CEP112: variants seen among roughly 807,000 people sequenced by gnomAD.
CEP112 encodes centrosomal protein 112.
Under a neutral mutation model 153.0 loss-of-function variants are expected in CEP112, and 127 were observed. The observed-to-expected ratio is 0.83, with a 90% CI of 0.72 to 0.96. The LOEUF (loss-of-function observed/expected upper bound fraction) is 0.96, where lower values mean the gene tolerates loss of function less well. CEP112 is among the 40% of genes least tolerant of loss of function. The pLI is 0.00. For missense variants in CEP112, 1,089 were observed against 1,101.2 expected (o/e 0.99, Z 0.16); for synonymous variants, 358 against 374.4 (o/e 0.96, Z 0.51).
At chr17:65,858,930 C>A (rs1293922592) in intron 20 of CEP112, among the ~76,000 whole-genome samples, 2 of 152,074 alleles carry the variant, frequency 1.3e-5, no homozygotes, top group East Asian at 1.9e-4. Context: ...CATCAATAAC[C>A]ACCTCATCCC....
In CEP112 at chr17:65,902,197, C is replaced by T; in HGVS notation, c.2118G>A (p.Met706Ile). The T allele has an allele frequency of 2.5e-6, 4 of 1,613,800 alleles. No homozygotes were observed. The South Asian group carries it at 4.4e-5, about 18-fold the overall frequency. ...ACTCCTGAATTTGATTTTCGTGCTC[C>T]ATATTGGCAGCGCGAAGCTGTTTTT... Reference protein sequence around the residue: ...NLEKQLRAANMEHENQIQEFK... With the variant: ...NLEKQLRAANIEHENQIQEFK... The change falls in exon 20 of 27, where the codon ATG (methionine) becomes ATA (isoleucine). Residue 706 changes from methionine (M) to isoleucine (I), a missense_variant. Met to Ile is a conservative substitution (Grantham distance 10, BLOSUM62 1). Coordinates refer to ENST00000535342, the MANE Select transcript of CEP112 (RefSeq NM_001199165.4).
rs1228949990 is a variant in CEP112 at position 66,029,107 on chromosome 17, T to G, written c.1503+16A>C. 6.4e-7 allele frequency: 1 copy of G among 1,571,636 alleles called. No homozygotes were observed. The highest frequency in any genetic ancestry group is 8.7e-7 in the Non-Finnish European group (1 of 1,148,478). Reference sequence around the variant, plus strand: ...ATAAATACTTCATGTGGATTATCTATTAACATAAATAATACCTTAGAAGCT... The same window carrying G: ...ATAAATACTTCATGTGGATTATCTAGTAACATAAATAATACCTTAGAAGCT... On this transcript the variant is annotated intron_variant, in intron 14 of 26. Coordinates refer to ENST00000535342, the MANE Select transcript of CEP112 (RefSeq NM_001199165.4).
At chr17:65,685,510 T>A (rs2047734986) in intron 24 of CEP112, among the ~76,000 whole-genome samples, 1 of 152,118 alleles carries the variant, frequency 6.6e-6, no homozygotes, top group South Asian at 2.1e-4. Context: ...CACATTTTAG[T>A]TGTTCGATTG....
chr17:65,909,436 T>C (rs1007531712), intron 19 of CEP112, among the ~76,000 whole-genome samples: 4 of 152,110 alleles, frequency 2.6e-5, no homozygotes, highest in African/African-American at 9.7e-5. Context: ...TGAATAGAAA[T>C]ATGAAAGTTT....
chr17:65,684,808 A>G (rs547050440), intron 24 of CEP112, among the ~76,000 whole-genome samples: 1 of 152,312 alleles, frequency 6.6e-6, no homozygotes, highest in South Asian at 2.1e-4. Flanking sequence ...TGTGTTGTAC[A>G]TTAGGGAAGT....
At chr17:66,175,398 A>G (rs2072429072) in intron 3 of CEP112, among the ~76,000 whole-genome samples, 182 bp from the exon 4 acceptor site, 1 of 152,252 alleles carries the variant, frequency 6.6e-6, no homozygotes, top group South Asian at 2.1e-4. Flanking sequence ...AAGTGATAAC[A>G]TATTTACATT....
intron 6 of CEP112, among the ~76,000 whole-genome samples, chr17:66,121,108 G>A (rs963235275): frequency 6.6e-6 from 1 of 151,918 alleles, no homozygotes; most frequent in Non-Finnish European, 1.5e-5. Flanking sequence ...GAGAAACCCC[G>A]TCTCTACTAA....
Position 65,970,467 on chromosome 17 carries a change from T to C in CEP112, c.1737-8869A>G, listed in dbSNP as rs1010205960. 3.4e-5 allele frequency among the ~76,000 whole-genome samples: 2 copies of C among 58,386 alleles called. 1 individual carries two copies. Among genetic ancestry groups the C allele is most frequent in the African/African-American group, 9.0e-5 (2 of 22,332 alleles). The allele number at this position is 58,386 out of a possible 152,430, so 38.3% of individuals were successfully genotyped here. On this transcript the variant is annotated intron_variant, in intron 17 of 26. Transcript: ENST00000535342. Reference sequence around the variant, plus strand: ...CATGTATATTACATGCATGCACACATGCATGTATATTACATGCATGCACAC... The same window carrying C: ...CATGTATATTACATGCATGCACACACGCATGTATATTACATGCATGCACAC...
intron 6 of CEP112, among the ~76,000 whole-genome samples, chr17:66,119,310 C>A (rs2146440123): frequency 1.3e-5 from 2 of 152,248 alleles, no homozygotes; most frequent in African/African-American, 4.8e-5. Flanking sequence ...AACAAACTTG[C>A]ACATCCTGCA....
intron 21 of CEP112, among the ~76,000 whole-genome samples, chr17:65,762,068 T>C (rs2052647618): frequency 6.6e-6 from 1 of 152,092 alleles, no homozygotes; most frequent in Non-Finnish European, 1.5e-5. Context: ...TAGTTTTTGT[T>C]TGTTCGTTTT....
chr17:66,113,269 A>ACATATGTATACATGTATGTG (rs1555801061), intron 6 of CEP112, among the ~76,000 whole-genome samples: 2 of 152,130 alleles, frequency 1.3e-5, no homozygotes, highest in African/African-American at 4.8e-5. Context: ...ATATACATAT[A>ACATATGTATACATGTATGTG]TTAGGTAATA....
intron 12 of CEP112, among the ~76,000 whole-genome samples, chr17:66,052,539 A>T (rs2066485976): frequency 6.6e-6 from 1 of 152,042 alleles, no homozygotes; most frequent in Non-Finnish European, 1.5e-5. Context: ...TCTTTGGGAG[A>T]TCCTCTATCT....
rs572578837 is a variant in CEP112, at chr17:65,755,117, A to G, written c.2395-4393T>C. Among the ~76,000 whole-genome samples, 35 of 152,200 alleles carry G rather than the reference A, an allele frequency of 2.3e-4. 1 individual carries two copies. Among genetic ancestry groups the G allele is most frequent in the Non-Finnish European group, 3.1e-4 (21 of 68,036 alleles). On this transcript the variant is annotated intron_variant, in intron 21 of 26. Transcript: ENST00000535342. ...AAAAAGAAAAAAAAATACAAATAAAAATAATAAAAAGAGAAATACCCAAGT... is the reference window on the plus strand; with the variant it reads ...AAAAAGAAAAAAAAATACAAATAAAGATAATAAAAAGAGAAATACCCAAGT...
intron 4 of CEP112, among the ~76,000 whole-genome samples, chr17:66,164,886 ATGTG>A (rs57252258): frequency 0.34 from 46,043 of 137,328 alleles, 8,166 homozygotes; most frequent in East Asian, 0.65. Context: ...ACACACATAT[ATGTG>A]TGTGTGTGTG....
intron 18 of CEP112, among the ~76,000 whole-genome samples, chr17:65,937,646 G>A (rs1370259811): frequency 2.2e-5 from 2 of 92,956 alleles, no homozygotes; most frequent in Admixed American, 1.3e-4. Flanking sequence ...CCGGCCAGCC[G>A]CCCTGTCCGG....
Position 65,635,558 on chromosome 17 carries a change from T to G in CEP112, c.*413A>C, listed in dbSNP as rs2044730479. The G allele has an allele frequency of 5.4e-6, 1 of 185,610 alleles. No homozygotes were observed. Among genetic ancestry groups the G allele is most frequent in the African/African-American group, 2.3e-5 (1 of 42,874 alleles). The allele number at this position is 185,610 out of a possible 1,614,324, so 11.5% of individuals were successfully genotyped here. A position where few individuals can be genotyped will look rare whatever the true frequency, so the allele number is the denominator to read the frequency against. ...AAACTGGTAAGTACAAAATAATATT[T>G]TAATAACATAGGAACATGAACATGA... On this transcript the variant is annotated 3_prime_UTR_variant, in exon 27 of 27. Transcript: ENST00000535342.
chr17:65,769,795 C>A (rs2145494985), intron 21 of CEP112, among the ~76,000 whole-genome samples: 1 of 152,068 alleles, frequency 6.6e-6, no homozygotes, highest in Middle Eastern at 3.4e-3. Flanking sequence ...AGCAGTTTTC[C>A]CTGTGAGTTT....
At chr17:65,958,300 G>A (rs1196972200) in intron 18 of CEP112, among the ~76,000 whole-genome samples, 1 of 152,098 alleles carries the variant, frequency 6.6e-6, no homozygotes, top group Admixed American at 6.5e-5. Flanking sequence ...AAACTCCTTG[G>A]TTGTGTATAA....
chr17:66,151,033 A>T (rs1030172430), intron 4 of CEP112, among the ~76,000 whole-genome samples: 5 of 152,096 alleles, frequency 3.3e-5, no homozygotes, highest in Non-Finnish European at 5.9e-5. Flanking sequence ...TATTGTTTCC[A>T]TGATACATCT....
Sources: gnomAD v4.1 joint callset for allele counts (sites outside exome capture counted in the v4.1 genomes callset) on GRCh38, gnomAD v4.1.1 for gene constraint, MANE v1.5 for transcripts, NCBI Gene and HGNC (gene_info 2026-07-23, HGNC 2026-07-21) for gene names.